Variants in DHX35 observed in about 807,000 individuals in gnomAD.
DHX35 encodes DEAH-box helicase 35.
Under a neutral mutation model 99.6 loss-of-function variants are expected in DHX35, and 84 were observed. That is an observed-to-expected ratio of 0.84 (90% CI 0.71 to 1.01). DHX35 has a LOEUF of 1.01. Ranked by LOEUF, DHX35 falls within the 50% of genes least tolerant of loss-of-function variation. The pLI is 0.00. For synonymous variants in DHX35, 331 were observed against 316.2 expected, an observed-to-expected ratio of 1.05 and a Z score of -0.50; for missense variants, 852 against 888.5, an observed-to-expected ratio of 0.96 and a Z score of 0.52.
chr20:38,981,943 CAAA>C (rs1161300647), intron 3 of DHX35, among the ~76,000 whole-genome samples: 13 of 87,264 alleles, frequency 1.5e-4, no homozygotes, highest in Non-Finnish European at 1.7e-4. Flanking sequence ...GACTCTGTCT[CAAA>C]AAAAAAAAAA....
chr20:38,975,433 A>G (rs751177244), intron 3 of DHX35, among the ~76,000 whole-genome samples: 5 of 152,240 alleles, frequency 3.3e-5, no homozygotes, highest in Non-Finnish European at 7.3e-5. Flanking sequence ...AGTGCTACAT[A>G]AAGTGATTTT....
intron 2 of DHX35, among the ~76,000 whole-genome samples, chr20:38,970,045 G>A (rs553388887): frequency 6.6e-6 from 1 of 152,270 alleles, no homozygotes; most frequent in Admixed American, 6.5e-5. Flanking sequence ...CCTGGACGGT[G>A]CTGGGTGAAA....
intron 1 of DHX35, chr20:38,962,641 G>T: frequency 1.8e-6 from 1 of 547,888 alleles, no homozygotes; most frequent in Non-Finnish European, 3.2e-6. Context: ...AAGTGGTCCA[G>T]CCTCCTCAGG....
At position 39,011,075 on chromosome 20, in the gene DHX35, A is replaced by G. The variant is rs369295844; in HGVS notation, c.1347+671A>G. Among the ~76,000 whole-genome samples the G allele has an allele frequency of 2.6e-5, 4 of 151,950 alleles. No individual in the cohort carries two copies. The South Asian group carries it at 6.2e-4, about 24-fold the overall frequency. ...ATCACCTTTATTATAATTATTTTTA[A>G]ATTTTTCATAAGATAGATTTTTATA... On this transcript the variant is annotated intron_variant, in intron 13 of 21. Coordinates refer to ENST00000252011, the MANE Select transcript of DHX35 (RefSeq NM_021931.4).
chr20:39,035,021 A>G (rs2087125831), intron 21 of DHX35, among the ~76,000 whole-genome samples: 1 of 151,322 alleles, frequency 6.6e-6, no homozygotes, highest in Non-Finnish European at 1.5e-5. Context: ...TGGTCTCCCA[A>G]ATTGCTGGGA....
At chr20:38,966,478 T>C (rs2085913109) in intron 1 of DHX35, among the ~76,000 whole-genome samples, 1 of 152,236 alleles carries the variant, frequency 6.6e-6, no homozygotes, top group Non-Finnish European at 1.5e-5. Flanking sequence ...GACACCAGCC[T>C]GGCTAACATG....
intron 20 of DHX35, among the ~76,000 whole-genome samples, chr20:39,031,886 C>T (rs902293747): frequency 1.3e-4 from 20 of 152,132 alleles, no homozygotes; most frequent in African/African-American, 2.7e-4. Flanking sequence ...GAACCTCATG[C>T]GTTTGGGAAG....
chr20:39,015,610 G>A (rs2086772789), intron 14 of DHX35, among the ~76,000 whole-genome samples: 1 of 152,028 alleles, frequency 6.6e-6, no homozygotes, highest in Non-Finnish European at 1.5e-5. Flanking sequence ...TTCCAATTTT[G>A]AATTAAGTTT....
At chr20:39,018,768 C>G in intron 14 of DHX35, 36 bp from the exon 15 acceptor site, 1 of 1,595,688 alleles carries the variant, frequency 6.3e-7, no homozygotes, top group South Asian at 1.1e-5. Flanking sequence ...CACAATGGTA[C>G]CTGCCTTCTG....
intron 13 of DHX35, among the ~76,000 whole-genome samples, chr20:39,011,802 A>G (rs1484312829): frequency 6.6e-6 from 1 of 152,242 alleles, no homozygotes; most frequent in Non-Finnish European, 1.5e-5. Context: ...TTGGATAGTA[A>G]AGTCCCTAAT....
At position 39,010,360 on chromosome 20, in the gene DHX35, A is replaced by G. The variant is rs936443313; in HGVS notation, c.1303A>G (p.Lys435Glu). Residue 435 changes from lysine to glutamate, a missense_variant, in exon 13 of 22, where the codon AAA becomes GAA. Coordinates refer to ENST00000252011, the MANE Select transcript of DHX35 (RefSeq NM_021931.4). ...SNLAPVILQL[K>E]ALGIDNVLRF... is the part of the protein sequence containing the mutation. Reference sequence around the variant, plus strand: ...TTTGGCACCTGTCATCCTGCAGCTGAAAGCACTAGGAATTGACAATGTCCT... The same window carrying G: ...TTTGGCACCTGTCATCCTGCAGCTGGAAGCACTAGGAATTGACAATGTCCT... 6.2e-7 allele frequency: 1 copy of G among 1,614,144 alleles called. No homozygotes were observed. The highest frequency in any genetic ancestry group is 1.3e-5 in the African/African-American group (1 of 75,026).
At chr20:39,022,806 G>A (rs547892034) in intron 16 of DHX35, among the ~76,000 whole-genome samples, 9 of 152,344 alleles carry the variant, frequency 5.9e-5, no homozygotes, top group Admixed American at 1.3e-4. Context: ...CTGGAAAGAC[G>A]GAAGGACAAG....
chr20:38,984,499 G>A (rs1180622828), intron 4 of DHX35, among the ~76,000 whole-genome samples: 2 of 152,110 alleles, frequency 1.3e-5, no homozygotes, highest in African/African-American at 4.8e-5. Context: ...GGAAACTTTA[G>A]TGAAATAGGA....
chr20:38,988,747 C>G, intron 4 of DHX35, 66 bp from the exon 5 acceptor site: 1 of 1,593,826 alleles, frequency 6.3e-7, no homozygotes, highest in Non-Finnish European at 8.6e-7. Flanking sequence ...TTTAGATTTT[C>G]CATAGTATGT....
At chr20:39,008,583 G>A (rs1600414711) in intron 12 of DHX35, among the ~76,000 whole-genome samples, 2 of 152,178 alleles carry the variant, frequency 1.3e-5, no homozygotes, top group Non-Finnish European at 2.9e-5. Context: ...TGTAATGAGT[G>A]CATTGGTGTC....
At chr20:39,032,225 C>T (rs1433127587) in intron 20 of DHX35, among the ~76,000 whole-genome samples, 1 of 152,042 alleles carries the variant, frequency 6.6e-6, no homozygotes, top group Non-Finnish European at 1.5e-5. Context: ...AATCTGTTGC[C>T]CAGTGGTGTG....
intron 5 of DHX35, 96 bp from the exon 6 acceptor site, chr20:38,991,358 A>C: frequency 9.7e-7 from 1 of 1,025,668 alleles, no homozygotes; most frequent in South Asian, 1.6e-5. Context: ...TTACTTGTAC[A>C]CATGCTGGCA....
intron 2 of DHX35, among the ~76,000 whole-genome samples, chr20:38,970,575 C>T (rs1429796676): frequency 6.6e-6 from 1 of 152,176 alleles, no homozygotes; most frequent in African/African-American, 2.4e-5. Flanking sequence ...CCAAGCTTCA[C>T]CATTTGTGTG....
intron 12 of DHX35, among the ~76,000 whole-genome samples, chr20:39,007,071 C>T (rs8120914): frequency 0.34 from 51,390 of 152,092 alleles, 8,806 homozygotes; most frequent in Middle Eastern, 0.52. Flanking sequence ...TCTTCTTTAT[C>T]CAGTATCCAT....
Sources: allele counts gnomAD v4.1 joint callset (sites outside exome capture counted in the v4.1 genomes callset), GRCh38; gene constraint gnomAD v4.1.1; transcripts MANE v1.5; gene names NCBI Gene and HGNC (gene_info 2026-07-23, HGNC 2026-07-21).